CD81: variants seen among roughly 807,000 people sequenced by gnomAD.
CD81 encodes the protein CD81 antigen.
In CD81, 10 loss-of-function variants were observed where a neutral mutation model predicts 30.1. The ratio of observed to expected loss-of-function variants is 0.33; its 90% CI spans 0.21 to 0.56. The LOEUF is 0.56. Ranked by LOEUF, CD81 falls within the 20% of genes least tolerant of loss-of-function variation. The probability of loss-of-function intolerance (pLI) is 0.89; values close to 1 mark genes in which losing one functional copy is unlikely to be tolerated. For synonymous variants in CD81, 147 were observed against 126.4 expected, an observed-to-expected ratio of 1.16 and a Z score of -1.10; for missense variants, 263 against 308.7, an observed-to-expected ratio of 0.85 and a Z score of 1.11.
At chr11:2,385,955 TTCACTGCTTAAGCAGCAGTTTTACATA>T (rs1285463492) in intron 1 of CD81, 2 of 688,486 alleles carry the variant, frequency 2.9e-6, no homozygotes, top group African/African-American at 3.5e-5. Context: ...GAATGTGGGT[TTCACTGCTTAAGCAGCAGTTTTACATA>T]ACTGCCAAAC....
chr11:2,387,771 T>C (rs963469525), intron 1 of CD81, among the ~76,000 whole-genome samples: 1 of 152,178 alleles, frequency 6.6e-6, no homozygotes, highest in Non-Finnish European at 1.5e-5. Context: ...TTGGTGACTC[T>C]AATGCACCTT....
chr11:2,377,697 C>T lies in CD81; in HGVS notation c.66+82C>T. The T allele has an allele frequency of 2.2e-6, 2 of 918,144 alleles. No homozygotes were observed. The highest frequency in any genetic ancestry group is 1.8e-5 in the African/African-American group (1 of 56,242). 56.9% of individuals were successfully genotyped at this position (918,144 alleles called of 1,614,324 possible). A position where few individuals can be genotyped will look rare whatever the true frequency, so the allele number is the denominator to read the frequency against. On this transcript the variant is annotated intron_variant, in intron 1 of 7. Coordinates refer to ENST00000263645, the MANE Select transcript of CD81 (RefSeq NM_004356.4). This position sits in a 1 kb window ranked among gnomAD's most constrained non-coding sequence, Gnocchi z 7.7. ...GCAGGTCCCGCGGCAGCGTGCTAGG[C>T]CCCGCGGGCGCAGCGCGGGCCGCGA...
chr11:2,394,227 G>T (rs1315403101), intron 3 of CD81, 35 bp downstream of exon 3: 3 of 1,450,756 alleles, frequency 2.1e-6, no homozygotes, highest in Non-Finnish European at 2.9e-6. Flanking sequence ...CCTGGGCCGG[G>T]GAGGGGCTGG....
At chr11:2,380,408 C>T (rs1640716304) in intron 1 of CD81, among the ~76,000 whole-genome samples, 1 of 152,074 alleles carries the variant, frequency 6.6e-6, no homozygotes, top group African/African-American at 2.4e-5. Flanking sequence ...CACGCACAGG[C>T]ACTCACACAC....
chr11:2,393,149 G>T (rs1264771802), intron 2 of CD81: 1 of 152,700 alleles, frequency 6.5e-6, no homozygotes, highest in African/African-American at 2.4e-5. Flanking sequence ...CAATGGGCCT[G>T]GCTGCGAGGA....
chr11:2,394,890 C>T (rs1849968653), intron 3 of CD81, 82 bp from the exon 4 acceptor site: 1 of 1,313,278 alleles, frequency 7.6e-7, no homozygotes, highest in African/African-American at 1.4e-5. Flanking sequence ...ACAGACACGC[C>T]TGCTGGGCAC....
chr11:2,383,859 C>T (rs558374822), intron 1 of CD81, among the ~76,000 whole-genome samples: 4 of 152,304 alleles, frequency 2.6e-5, no homozygotes, highest in South Asian at 2.1e-4. Context: ...ATGGGTGGGG[C>T]GACCAGATCC....
At chr11:2,390,955 A>G in intron 2 of CD81, 2 of 270,164 alleles carry the variant, frequency 7.4e-6, no homozygotes, top group Non-Finnish European at 1.5e-5. Context: ...GGAGGGGTGG[A>G]GAGGGGTGGA....
intron 1 of CD81, among the ~76,000 whole-genome samples, chr11:2,381,636 C>G (rs866521907): frequency 6.6e-6 from 1 of 152,350 alleles, no homozygotes; most frequent in South Asian, 2.1e-4. Context: ...CACCCTTGTA[C>G]CCACCGTGGT....
intron 1 of CD81, among the ~76,000 whole-genome samples, chr11:2,380,714 G>A (rs999536416): frequency 6.6e-6 from 1 of 152,162 alleles, no homozygotes; most frequent in African/African-American, 2.4e-5. Context: ...GGGCAGGAGA[G>A]TTTGTGTCCC....
intron 1 of CD81, chr11:2,385,899 T>C: frequency 1.5e-6 from 1 of 651,002 alleles, no homozygotes; most frequent in Admixed American, 2.2e-5. Context: ...CTAAGTTCAT[T>C]TCTCTTGGGT....
chr11:2,379,682 T>C (rs890942251), intron 1 of CD81, among the ~76,000 whole-genome samples: 1 of 151,828 alleles, frequency 6.6e-6, no homozygotes, highest in South Asian at 2.1e-4. Flanking sequence ...GCAGCTGGGG[T>C]GGAGACCTGA....
intron 1 of CD81, chr11:2,379,225 G>A (rs1470781861): frequency 4.4e-6 from 2 of 450,578 alleles, no homozygotes; most frequent in Non-Finnish European, 8.9e-6. Context: ...GGACCTGGGG[G>A]TGGGGGCTGA....
At chr11:2,376,367 C>G (rs552910180), upstream of CD81, 1 of 152,200 alleles carries the variant, frequency 6.6e-6, no homozygotes, top group African/African-American at 2.4e-5. Flanking sequence ...GGTAAGCCCC[C>G]GCCCAGGATG....
intron 1 of CD81, among the ~76,000 whole-genome samples, chr11:2,389,323 C>G (rs1849853902): frequency 6.6e-6 from 1 of 152,174 alleles, no homozygotes; most frequent in African/African-American, 2.4e-5. Flanking sequence ...CTGCAGTGTG[C>G]CCTGCATGGT....
chr11:2,391,022 C>T (rs960382219), intron 2 of CD81: 2 of 227,266 alleles, frequency 8.8e-6, no homozygotes, highest in Non-Finnish European at 1.8e-5. Context: ...ACCTTGCTGC[C>T]TTATTAGGCT....
chr11:2,393,440 T>G (rs1025245848), intron 2 of CD81: 1 of 167,320 alleles, frequency 6.0e-6, no homozygotes, highest in Non-Finnish European at 1.3e-5. Context: ...GGTGGGGTGC[T>G]GGGCTTCAGC....
chr11:2,390,112 T>C (rs1849871217), intron 1 of CD81: 3 of 529,860 alleles, frequency 5.7e-6, no homozygotes, highest in South Asian at 4.0e-5. Context: ...TATTCTGTTT[T>C]CATCTGAGAG....
rs1461717190 is a variant in CD81 at position 2,377,521 on chromosome 11, C to G, written c.-29C>G. The G allele has an allele frequency of 7.8e-7, 1 of 1,276,774 alleles. No individual in the cohort carries two copies. Among genetic ancestry groups the G allele is most frequent in the South Asian group, 1.3e-5 (1 of 74,734 alleles). 79.1% of individuals were successfully genotyped at this position (1,276,774 alleles called of 1,614,324 possible). A position where few individuals can be genotyped will look rare whatever the true frequency, so the allele number is the denominator to read the frequency against. ...CCCGCCGCCCAGGACCGGCCCGCGC[C>G]CCGCAGGCCGCCCGCCGCCCGCGCC... On this transcript the variant is annotated 5_prime_UTR_variant, in exon 1 of 8. Transcript: ENST00000263645. The surrounding 1 kb of genome is among the most constrained non-coding windows in gnomAD (Gnocchi z 7.7).
Sources: gnomAD v4.1 joint callset for allele counts (sites outside exome capture counted in the v4.1 genomes callset) on GRCh38, gnomAD v4.1.1 for gene constraint, Gnocchi (gnomAD v3.1) non-coding constraint, MANE v1.5 for transcripts, NCBI Gene and HGNC (gene_info 2026-07-23, HGNC 2026-07-21) for gene names.